Variants in CREBL2 observed in about 807,000 individuals in gnomAD.
CREBL2 encodes cAMP-responsive element-binding protein-like 2.
CREBL2 carries 4 observed loss-of-function variants against 19.5 expected under a neutral mutation model. The ratio of observed to expected loss-of-function variants is 0.20; its 90% CI spans 0.10 to 0.47. The LOEUF (loss-of-function observed/expected upper bound fraction) is 0.47, where lower values mean the gene tolerates loss of function less well. Among genes scored for constraint, CREBL2 ranks in the 20% least tolerant of loss-of-function variants. The pLI is 0.98. For synonymous variants in CREBL2, 42 were observed against 46.6 expected, an observed-to-expected ratio of 0.90 and a Z score of 0.40; for missense variants, 85 against 145.1, an observed-to-expected ratio of 0.59 and a Z score of 2.13.
At chr12:12,641,247 A>ATTTTTTTTTTTTTTTTTTTTTTTTTTTTT (rs1380373401) in intron 3 of CREBL2, among the ~76,000 whole-genome samples, 3 of 22,086 alleles carry the variant, frequency 1.4e-4, no homozygotes, top group East Asian at 1.1e-3. Flanking sequence ...TATTATTATT[A>ATTTTTTTTTTTTTTTTTTTTTTTTTTTTT]TTATTATTTT....
chr12:12,641,244 A>ATTTTT (rs1566116871), intron 3 of CREBL2, among the ~76,000 whole-genome samples: 18 of 15,590 alleles, frequency 1.2e-3, no homozygotes, highest in East Asian at 2.4e-3. Context: ...TATTATTATT[A>ATTTTT]TTATTATTAT....
At chr12:12,614,719 G>A (rs1337206019) in intron 1 of CREBL2, 2 of 299,832 alleles carry the variant, frequency 6.7e-6, no homozygotes, top group East Asian at 1.0e-4. Context: ...GCTCTTAAGA[G>A]TACTTAATAT....
intron 1 of CREBL2, among the ~76,000 whole-genome samples, chr12:12,628,293 A>C (rs1945418235): frequency 6.6e-6 from 1 of 152,058 alleles, no homozygotes; most frequent in East Asian, 1.9e-4. Flanking sequence ...TCATTTGCTT[A>C]TTGGCATTTG....
At chr12:12,641,226 T>TTTATTATTATTATTATTA (rs1193355722) in intron 3 of CREBL2, among the ~76,000 whole-genome samples, 1 of 120,972 alleles carries the variant, frequency 8.3e-6, no homozygotes, top group African/African-American at 3.1e-5. Flanking sequence ...GTCACAAACC[T>TTTATTATTATTATTATTA]TTATTATTAT....
chr12:12,629,108 G>A (rs1411066339), intron 1 of CREBL2, among the ~76,000 whole-genome samples: 3 of 152,170 alleles, frequency 2.0e-5, no homozygotes, highest in African/African-American at 2.4e-5. Flanking sequence ...TGGGTCCCTC[G>A]TATTTCCATG....
chr12:12,612,225 T>G, intron 1 of CREBL2, 38 bp downstream of exon 1: 1 of 1,613,366 alleles, frequency 6.2e-7, no homozygotes, highest in Non-Finnish European at 8.5e-7. Flanking sequence ...CGCCTTCTTG[T>G]CGCTCAATGC....
At chr12:12,612,267 C>A (rs1945273637) in intron 1 of CREBL2, 80 bp downstream of exon 1, 6 of 1,609,772 alleles carry the variant, frequency 3.7e-6, no homozygotes, top group Non-Finnish European at 5.1e-6. Context: ...GCTATGTAGT[C>A]CACGCCAACA....
In CREBL2 at chr12:12,612,094, G is replaced by T; in HGVS notation, c.-79G>T. The T allele has an allele frequency of 6.4e-7, 1 of 1,565,636 alleles. No individual in the cohort carries two copies. Among genetic ancestry groups the T allele is most frequent in the South Asian group, 1.1e-5 (1 of 90,166 alleles). ...GAACCATATCCCCTTCTTCCTCGGG[G>T]CGGGGGCCGGGCCAGGCCGGCTGAG... On this transcript the variant is annotated 5_prime_UTR_variant, in exon 1 of 4. Transcript: ENST00000228865.
At chr12:12,635,676 A>G in intron 1 of CREBL2, 101 bp from the exon 2 acceptor site, 3 of 1,372,874 alleles carry the variant, frequency 2.2e-6, no homozygotes, top group Non-Finnish European at 2.9e-6. Flanking sequence ...GGCTTCACTC[A>G]CGTTTTGTTT....
intron 3 of CREBL2, among the ~76,000 whole-genome samples, chr12:12,639,797 A>G (rs958253465): frequency 3.9e-5 from 6 of 152,216 alleles, no homozygotes; most frequent in African/African-American, 1.4e-4. Context: ...GTGACATCAC[A>G]TATCGGTAGG....
At chr12:12,635,167 C>T (rs993984553) in intron 1 of CREBL2, among the ~76,000 whole-genome samples, 1 of 151,806 alleles carries the variant, frequency 6.6e-6, no homozygotes, top group Non-Finnish European at 1.5e-5. Context: ...GGAGACCAGC[C>T]TGGGCAACAT....
intron 1 of CREBL2, among the ~76,000 whole-genome samples, chr12:12,631,500 A>G (rs1288170031): frequency 6.6e-6 from 1 of 152,272 alleles, no homozygotes; most frequent in East Asian, 1.9e-4. Context: ...TTATGTCGGT[A>G]CATGAAAGTC....
At position 12,635,850 on chromosome 12, in the gene CREBL2, T is replaced by G. The variant is rs1945471006; in HGVS notation, c.89T>G (p.Leu30Arg). 1 of 1,613,822 alleles carries G rather than the reference T, an allele frequency of 6.2e-7. No individual in the cohort carries two copies. ...GCCAAAATTGACTTGAAAGCAAAAC[T>G]TGAGAGGAGCCGGCAGAGTGCAAGA... Reference protein sequence around the residue: ...KPAKIDLKAKLERSRQSAREC... With the variant: ...KPAKIDLKAKRERSRQSAREC... The change falls in exon 2 of 4, where the codon CTT (leucine) becomes CGT (arginine). Residue 30 changes from leucine to arginine, a missense_variant. Coordinates refer to ENST00000228865, the MANE Select transcript of CREBL2 (RefSeq NM_001310.4).
At chr12:12,614,283 C>G (rs1013998642) in intron 1 of CREBL2, 2 of 152,188 alleles carry the variant, frequency 1.3e-5, no homozygotes, top group Non-Finnish European at 2.9e-5. Context: ...GTGTGAGCCA[C>G]TGCGCCCGGC....
chr12:12,632,288 A>G (rs575806828), intron 1 of CREBL2, among the ~76,000 whole-genome samples: 26 of 151,726 alleles, frequency 1.7e-4, no homozygotes, highest in African/African-American at 5.6e-4. Context: ...CGTTTTAGTC[A>G]GGATGGTCTC....
At chr12:12,628,033 C>T (rs1005587342) in intron 1 of CREBL2, among the ~76,000 whole-genome samples, 1 of 152,150 alleles carries the variant, frequency 6.6e-6, no homozygotes, top group African/African-American at 2.4e-5. Context: ...GCGCGCGCCA[C>T]CATGCCCAGC....
intron 1 of CREBL2, among the ~76,000 whole-genome samples, chr12:12,627,345 TAA>T (rs1473112882): frequency 1.3e-5 from 2 of 152,074 alleles, no homozygotes; most frequent in Non-Finnish European, 2.9e-5. Flanking sequence ...TGTAAAAAAA[TAA>T]AGTCTATTGA....
chr12:12,624,636 G>T (rs1945386404), intron 1 of CREBL2, among the ~76,000 whole-genome samples: 1 of 152,208 alleles, frequency 6.6e-6, no homozygotes, highest in Non-Finnish European at 1.5e-5. Flanking sequence ...CCAGGTAGGG[G>T]TGCCTGAGAC....
Position 12,643,237 on chromosome 12 carries a change from CCTTGCAGCTACA to C in CREBL2, c.*1243_*1254del. Reference sequence around the variant, plus strand: ...GGGCAGGGTAGTTCTTTCCATTTCCCCTTGCAGCTACACTTACTTTCTCCCTGACTACCAAAT... The same window carrying C: ...GGGCAGGGTAGTTCTTTCCATTTCCCCTTACTTTCTCCCTGACTACCAAAT... On this transcript the variant is annotated 3_prime_UTR_variant, in exon 4 of 4. Coordinates refer to ENST00000228865, the MANE Select transcript of CREBL2 (RefSeq NM_001310.4). The C allele has an allele frequency of 1.3e-5, 2 of 152,644 alleles. No homozygotes were observed. Among genetic ancestry groups the C allele is most frequent in the South Asian group, 4.1e-4 (2 of 4,820 alleles). 9.5% of individuals were successfully genotyped at this position (152,644 alleles called of 1,614,324 possible).
Sources: gnomAD v4.1 joint callset for allele counts (sites outside exome capture counted in the v4.1 genomes callset) on GRCh38, gnomAD v4.1.1 for gene constraint, MANE v1.5 for transcripts, NCBI Gene and HGNC (gene_info 2026-07-23, HGNC 2026-07-21) for gene names.